Variants in PTGFRN observed in about 807,000 individuals in gnomAD.
PTGFRN encodes prostaglandin F2 receptor inhibitor.
PTGFRN carries 35 observed loss-of-function variants against 83.2 expected under a neutral mutation model. The ratio of observed to expected loss-of-function variants is 0.42; its 90% confidence interval spans 0.32 to 0.56. PTGFRN has a LOEUF of 0.56. Ranked by LOEUF, PTGFRN falls within the 20% of genes least tolerant of loss-of-function variation. The pLI is 0.11. For missense variants in PTGFRN, 1,051 were observed against 1,179.5 expected (o/e 0.89, Z 1.60); for synonymous variants, 519 against 498.6 (o/e 1.04, Z -0.55).
chr1:116,966,916 G>A lies in PTGFRN; in HGVS notation c.1645G>A (p.Val549Met), dbSNP rs142161951. The change falls in exon 6 of 9, where the codon GTG (valine) becomes ATG (methionine). Residue 549 changes from valine to methionine, a missense_variant. Coordinates refer to ENST00000393203, the MANE Select transcript of PTGFRN (RefSeq NM_020440.4). ...VNIFWALEDSVLVVKARQPKP... is the reference protein window; with the variant it reads ...VNIFWALEDSMLVVKARQPKP... The stretch of plus-strand genomic sequence containing the variant: ...CTTCTGGTCATTCATTCCAGATTCC[G>A]TGCTTGTGGTGAAGGCGAGGCAGCC... 6.2e-5 allele frequency: 99 copies of A among 1,594,998 alleles called. No individual in the cohort carries two copies. Among genetic ancestry groups the A allele is most frequent in the Middle Eastern group, 3.3e-4 (2 of 6,016 alleles).
Position 116,918,439 on chromosome 1 carries a change from G to T in PTGFRN, c.49+8187G>T, listed in dbSNP as rs1649459975. On this transcript the variant is annotated intron_variant, in intron 1 of 8. Transcript: ENST00000393203. The surrounding 1 kb of genome is among the most constrained non-coding windows in gnomAD (Gnocchi z 4.1). ...CCTAGAACTCTGCTACCCCAACTGT[G>T]TTCTGTGGACCACCAGCATTGGCAG... is the stretch of plus-strand genomic sequence containing the variant. Among the ~76,000 whole-genome samples the T allele has an allele frequency of 6.6e-6, 1 of 152,248 alleles. No individual in the cohort carries two copies. Among genetic ancestry groups the T allele is most frequent in the Non-Finnish European group, 1.5e-5 (1 of 68,048 alleles).
intron 1 of PTGFRN, among the ~76,000 whole-genome samples, chr1:116,917,581 A>G (rs971688527): frequency 6.6e-6 from 1 of 152,078 alleles, no homozygotes; most frequent in African/African-American, 2.4e-5. Context: ...AGTAGCCCCA[A>G]AGCTTCCCCA....
At chr1:116,960,883 G>A (rs1650630043) in intron 4 of PTGFRN, among the ~76,000 whole-genome samples, 1 of 152,122 alleles carries the variant, frequency 6.6e-6, no homozygotes, top group African/African-American at 2.4e-5. Flanking sequence ...GAGCAATCTT[G>A]GTAGGGGGTG....
chr1:116,946,193 A>C (rs1650197525), intron 3 of PTGFRN, among the ~76,000 whole-genome samples: 1 of 152,238 alleles, frequency 6.6e-6, no homozygotes, highest in African/African-American at 2.4e-5. Context: ...GAAGGAAAGC[A>C]GGAAACAACA....
At chr1:116,982,950 G>C (rs532546292) in intron 7 of PTGFRN, among the ~76,000 whole-genome samples, 3 of 152,262 alleles carry the variant, frequency 2.0e-5, no homozygotes, top group African/African-American at 7.2e-5. Context: ...GGGTGGACTG[G>C]CCACCAGCTG....
At chr1:116,925,427 A>G (rs1384982579) in intron 1 of PTGFRN, among the ~76,000 whole-genome samples, 1 of 140,718 alleles carries the variant, frequency 7.1e-6, no homozygotes, top group Non-Finnish European at 1.5e-5. Context: ...ACTCCCTCTC[A>G]AAAAAAAGAA....
chr1:116,910,572 G>C (rs1228571484), intron 1 of PTGFRN, among the ~76,000 whole-genome samples: 2 of 152,032 alleles, frequency 1.3e-5, no homozygotes. Flanking sequence ...TTGGCCGCCG[G>C]GAGCCCGGCT....
At chr1:116,982,935 A>T (rs112452948) in intron 7 of PTGFRN, among the ~76,000 whole-genome samples, 2 of 152,148 alleles carry the variant, frequency 1.3e-5, no homozygotes, top group South Asian at 4.1e-4. Flanking sequence ...CCAGCCCACC[A>T]GCTGGGGTGG....
chr1:116,959,557 A>G (rs1032647693), intron 4 of PTGFRN, among the ~76,000 whole-genome samples: 1 of 152,384 alleles, frequency 6.6e-6, no homozygotes, highest in Non-Finnish European at 1.5e-5. Context: ...AATGAAAACA[A>G]TGTTAAATAA....
rs377435322 is a variant in PTGFRN at position 116,958,071 on chromosome 1, G to A, written c.1214-3172G>A. On this transcript the variant is annotated intron_variant, in intron 4 of 8. Transcript: ENST00000393203. This position sits in a 1 kb window ranked among gnomAD's most constrained non-coding sequence, Gnocchi z 4.9. ...TGGCCCTTGTGAATAATGCTGCAAT[G>A]AACATCTACCATCTTTCATCATAAT... Among the ~76,000 whole-genome samples the A allele has an allele frequency of 3.3e-5, 5 of 152,070 alleles. No homozygotes were observed. Among genetic ancestry groups the A allele is most frequent in the African/African-American group, 1.2e-4 (5 of 41,388 alleles).
rs982872838 is a variant in PTGFRN at position 116,987,205 on chromosome 1, A to C, written c.*238A>C. On this transcript the variant is annotated 3_prime_UTR_variant, in exon 9 of 9. Transcript: ENST00000393203. The stretch of plus-strand genomic sequence containing the variant: ...TAACAATCGAGTGTGTGTTTTCCCA[A>C]CTGCAGCTTTTTAATGGTTAACCTT... 2 of 466,756 alleles carry C rather than the reference A, an allele frequency of 4.3e-6. No homozygotes were observed. The highest frequency in any genetic ancestry group is 7.7e-6 in the Non-Finnish European group (2 of 259,312). 28.9% of individuals were successfully genotyped at this position (466,756 alleles called of 1,614,324 possible). A position where few individuals can be genotyped will look rare whatever the true frequency, so the allele number is the denominator to read the frequency against.
intron 4 of PTGFRN, among the ~76,000 whole-genome samples, chr1:116,957,806 ACT>A (rs879555043): frequency 6.1e-4 from 92 of 151,274 alleles, no homozygotes; most frequent in Middle Eastern, 6.8e-3. Context: ...TCACCACTTT[ACT>A]CTCTGTTTCT....
rs918373748 is a variant in PTGFRN at position 116,961,048 on chromosome 1, C to T, written c.1214-195C>T. 3.2e-4 allele frequency among the ~76,000 whole-genome samples: 48 copies of T among 152,202 alleles called. No homozygotes were observed. The highest frequency in any genetic ancestry group is 1.0e-3 in the African/African-American group (43 of 41,532). On this transcript the variant is annotated intron_variant, in intron 4 of 8. Transcript: ENST00000393203. This position sits in a 1 kb window ranked among gnomAD's most constrained non-coding sequence, Gnocchi z 5.4. ...TTCTTGGGGTGGGAGGTATGAGAAG[C>T]GGTGTTTTACAAGTTTTGCAAAAAC...
At chr1:116,953,553 T>TTAAA (rs1449165789) in intron 4 of PTGFRN, among the ~76,000 whole-genome samples, 2 of 152,118 alleles carry the variant, frequency 1.3e-5, no homozygotes. Flanking sequence ...TGCCTGGCTC[T>TTAAA]TAAATGCTCA....
intron 6 of PTGFRN, among the ~76,000 whole-genome samples, chr1:116,968,716 G>T (rs1650909048): frequency 6.6e-6 from 1 of 152,036 alleles, no homozygotes; most frequent in South Asian, 2.1e-4. Context: ...ATGCCCCCAT[G>T]CCCTTGCCCC....
At chr1:116,949,673 C>T (rs147064626) in intron 4 of PTGFRN, 101 bp downstream of exon 4, 550 of 1,454,786 alleles carry the variant, frequency 3.8e-4, no homozygotes, top group African/African-American at 3.1e-3. Context: ...TGCATGACTT[C>T]GACATTATTT....
chr1:116,968,493 A>G (rs1009824245), intron 6 of PTGFRN, among the ~76,000 whole-genome samples: 9 of 152,208 alleles, frequency 5.9e-5, no homozygotes, highest in East Asian at 1.9e-4. Context: ...AGATTTGGAG[A>G]AAGCATAGGC....
chr1:116,942,616 G>T (rs1167498142), intron 2 of PTGFRN, among the ~76,000 whole-genome samples: 1 of 152,188 alleles, frequency 6.6e-6, no homozygotes, highest in African/African-American at 2.4e-5. Context: ...GGAATCACAG[G>T]CACTTCAAAG....
chr1:116,929,154 G>T (rs949939436), intron 1 of PTGFRN, among the ~76,000 whole-genome samples: 1 of 152,190 alleles, frequency 6.6e-6, no homozygotes, highest in Non-Finnish European at 1.5e-5. Context: ...AGATGCTCAA[G>T]CCAGAAGCCT....
Sources: gnomAD v4.1 joint callset for allele counts (sites outside exome capture counted in the v4.1 genomes callset) on GRCh38, gnomAD v4.1.1 for gene constraint, Gnocchi (gnomAD v3.1) non-coding constraint, MANE v1.5 for transcripts, NCBI Gene and HGNC (gene_info 2026-07-23, HGNC 2026-07-21) for gene names.